Variants in POFUT3 observed in about 807,000 individuals in gnomAD.
POFUT3 encodes GDP-fucose protein O-fucosyltransferase 3.
At chr8:33,378,156 C>G in the POFUT3 span, among the ~76,000 whole-genome samples, 2 of 152,160 alleles carry the variant, frequency 1.3e-5, no homozygotes, top group Non-Finnish European at 2.9e-5. Context: ...TGGAAAGAGT[C>G]TCCCTCCTTG....
the POFUT3 span, among the ~76,000 whole-genome samples, chr8:33,412,413 G>T: frequency 6.6e-6 from 1 of 152,150 alleles, no homozygotes; most frequent in Non-Finnish European, 1.5e-5. Flanking sequence ...CACCAAGGAG[G>T]CAAGATCTAA....
the POFUT3 span, chr8:33,371,237 C>T: frequency 6.6e-6 from 1 of 152,160 alleles, no homozygotes; most frequent in Non-Finnish European, 1.5e-5. Context: ...GTTATAGACA[C>T]CTTCTCTCAT....
At chr8:33,377,263 G>A in the POFUT3 span, among the ~76,000 whole-genome samples, 3 of 151,732 alleles carry the variant, frequency 2.0e-5, no homozygotes, top group East Asian at 3.9e-4. Context: ...CTATAAAAGG[G>A]GAAGTTTCAG....
chr8:33,375,828 C>T, the POFUT3 span, among the ~76,000 whole-genome samples: 4 of 151,920 alleles, frequency 2.6e-5, no homozygotes, highest in Non-Finnish European at 5.9e-5. Context: ...ACCAGCCTGG[C>T]CAACATGGTG....
At chr8:33,378,521 C>A in the POFUT3 span, among the ~76,000 whole-genome samples, 1 of 152,166 alleles carries the variant, frequency 6.6e-6, no homozygotes, top group African/African-American at 2.4e-5. Flanking sequence ...GGAAAAGCTT[C>A]ACCCCTGAGA....
At chr8:33,353,189 T>G in the POFUT3 span, among the ~76,000 whole-genome samples, 1 of 152,248 alleles carries the variant, frequency 6.6e-6, no homozygotes. Context: ...TCTTCATTGT[T>G]GAATGTTTCC....
chr8:33,449,831 A>G, the POFUT3 span, among the ~76,000 whole-genome samples: 1 of 151,468 alleles, frequency 6.6e-6, no homozygotes, highest in African/African-American at 2.4e-5. Context: ...TGTTCTTCAT[A>G]CTGAAATATC....
At chr8:33,360,190 A>AGGC in the POFUT3 span, among the ~76,000 whole-genome samples, 1 of 152,204 alleles carries the variant, frequency 6.6e-6, no homozygotes, top group East Asian at 1.9e-4. Context: ...CACACCTGTA[A>AGGC]TCCCACCACT....
chr8:33,335,957 A>T, the POFUT3 span, among the ~76,000 whole-genome samples: 1 of 152,010 alleles, frequency 6.6e-6, no homozygotes, highest in Non-Finnish European at 1.5e-5. Flanking sequence ...GAGGCAGGAG[A>T]GGCAGGCACA....
chr8:33,350,178 A>T, the POFUT3 span, among the ~76,000 whole-genome samples: 1 of 152,064 alleles, frequency 6.6e-6, no homozygotes, highest in Non-Finnish European at 1.5e-5. Flanking sequence ...TGTCAGATAC[A>T]TAGTTTGCAA....
chr8:33,452,110 T>C, the POFUT3 span: 4 of 152,150 alleles, frequency 2.6e-5, no homozygotes, highest in African/African-American at 4.8e-5. Context: ...TATATGTGTG[T>C]GTGTATATAT....
the POFUT3 span, among the ~76,000 whole-genome samples, chr8:33,414,722 T>C: frequency 6.6e-6 from 1 of 152,122 alleles, no homozygotes; most frequent in Non-Finnish European, 1.5e-5. Context: ...TTTAACAATC[T>C]AATCTCCCTT....
chr8:33,417,910 G>T, the POFUT3 span, among the ~76,000 whole-genome samples: 1 of 152,070 alleles, frequency 6.6e-6, no homozygotes, highest in Non-Finnish European at 1.5e-5. Context: ...AACCCCAGGG[G>T]TCCACATTCC....
chr8:33,338,855 C>T, the POFUT3 span: 1 of 152,034 alleles, frequency 6.6e-6, no homozygotes, highest in Non-Finnish European at 1.5e-5. Context: ...AAATAAGACC[C>T]ATATCTTATT....
At chr8:33,418,424 T>G in the POFUT3 span, among the ~76,000 whole-genome samples, 1 of 151,566 alleles carries the variant, frequency 6.6e-6, no homozygotes, top group Non-Finnish European at 1.5e-5. Context: ...TTTTTTTTTT[T>G]TTTTTTGAGA....
At chr8:33,335,919 G>A in the POFUT3 span, among the ~76,000 whole-genome samples, 2 of 152,094 alleles carry the variant, frequency 1.3e-5, no homozygotes, top group Non-Finnish European at 1.5e-5. Context: ...GCTATATGGG[G>A]GTGGTAGAAG....
At chr8:33,416,830 CAAA>C in the POFUT3 span, among the ~76,000 whole-genome samples, 3 of 44,554 alleles carry the variant, frequency 6.7e-5, no homozygotes, top group Non-Finnish European at 5.5e-5. Context: ...TGGGCGACGA[CAAA>C]AAAAAAAAAA....
At chr8:33,318,497 T>A in the POFUT3 span, among the ~76,000 whole-genome samples, 2 of 116,286 alleles carry the variant, frequency 1.7e-5, no homozygotes, top group East Asian at 4.9e-4. Context: ...TGTACATATA[T>A]TATAATATAA....
the POFUT3 span, among the ~76,000 whole-genome samples, chr8:33,370,169 TAAAAAAAAAAAA>T: frequency 6.3e-4 from 25 of 39,896 alleles, no homozygotes; most frequent in South Asian, 4.6e-3. Context: ...CCATCTTTAC[TAAAAAAAAAAAA>T]AAAAAAAAAA....
Sources: allele counts gnomAD v4.1 joint callset (sites outside exome capture counted in the v4.1 genomes callset), GRCh38; gene constraint gnomAD v4.1.1; transcripts MANE v1.5; gene names NCBI Gene and HGNC (gene_info 2026-07-23, HGNC 2026-07-21).